Variants in TSBP1 observed in about 807,000 individuals in gnomAD.
TSBP1 encodes the protein testis-expressed basic protein 1.
Under a neutral mutation model 68.8 loss-of-function variants are expected in TSBP1, and 56 were observed. The observed-to-expected ratio is 0.81, with a 90% CI of 0.66 to 1.02. The LOEUF is 1.02. TSBP1 is among the 50% of genes least tolerant of loss of function. The pLI is 0.00. For missense variants in TSBP1, 502 were observed against 641.2 expected (o/e 0.78, Z 2.34); for synonymous variants, 171 against 208.7 (o/e 0.82, Z 1.56).
At chr6:32,346,744 A>G (rs1018112266) in intron 9 of TSBP1, among the ~76,000 whole-genome samples, 1 of 152,174 alleles carries the variant, frequency 6.6e-6, no homozygotes, top group African/African-American at 2.4e-5. Flanking sequence ...TGGCTGAGGC[A>G]CAAGAATCGC....
Position 32,292,929 on chromosome 6 carries a change from G to A in TSBP1, c.*52C>T, listed in dbSNP as rs1764294805. On this transcript the variant is annotated 3_prime_UTR_variant, in exon 23 of 23. Coordinates refer to ENST00000612031, the Ensembl canonical transcript of TSBP1. This position sits in a 1 kb window ranked among gnomAD's most constrained non-coding sequence, Gnocchi z 4.1. ...GGCTGGGATATGGTTTGTATCTGGA[G>A]TATGGGAATCATAATAATCACTTGT... The A allele has an allele frequency of 1.9e-6, 2 of 1,075,006 alleles. No individual in the cohort carries two copies. Among genetic ancestry groups the A allele is most frequent in the African/African-American group, 3.2e-5 (2 of 63,308 alleles). The allele number at this position is 1,075,006 out of a possible 1,614,324, so 66.6% of individuals were successfully genotyped here.
At chr6:32,353,485 T>C (rs114729388) in intron 8 of TSBP1, among the ~76,000 whole-genome samples, 5,942 of 152,038 alleles carry the variant, frequency 0.039, 334 homozygotes, top group African/African-American at 0.12. Flanking sequence ...ATGGGAATAA[T>C]TGATTTTACC....
At chr6:32,295,323 G>A (rs554429124) in intron 22 of TSBP1, among the ~76,000 whole-genome samples, 1 of 118,778 alleles carries the variant, frequency 8.4e-6, no homozygotes, top group Admixed American at 1.2e-4. Context: ...GTGACAGAGT[G>A]ATACTCCATC....
intron 10 of TSBP1, chr6:32,339,326 A>T: frequency 1.9e-6 from 1 of 536,336 alleles, no homozygotes; most frequent in East Asian, 3.1e-5. Context: ...TAAATGAAAA[A>T]ATTAATCAGT....
chr6:32,297,196 G>A (rs1399372246), intron 22 of TSBP1, among the ~76,000 whole-genome samples: 1 of 151,850 alleles, frequency 6.6e-6, no homozygotes, highest in Non-Finnish European at 1.5e-5. Context: ...TCCTTCTCTT[G>A]GACCTCATAA....
At chr6:32,311,087 G>A (rs141469817) in intron 19 of TSBP1, among the ~76,000 whole-genome samples, 1,530 of 151,806 alleles carry the variant, frequency 0.01, 55 homozygotes, top group Middle Eastern at 0.034. Flanking sequence ...TGAGTGCTGC[G>A]AGACCCCCCC....
chr6:32,294,873 C>CTTT (rs578120947), intron 22 of TSBP1, among the ~76,000 whole-genome samples: 15 of 151,736 alleles, frequency 9.9e-5, no homozygotes, highest in South Asian at 2.1e-4. Flanking sequence ...TTTTTATTTG[C>CTTT]TTTTGTTTTT....
intron 6 of TSBP1, among the ~76,000 whole-genome samples, chr6:32,359,184 T>C (rs1285372099): frequency 4.0e-5 from 6 of 151,384 alleles, no homozygotes; most frequent in Admixed American, 6.6e-5. Context: ...CTGGGTCAAA[T>C]AGTATTTCTA....
chr6:32,320,637 T>A (rs1767520736), intron 18 of TSBP1, among the ~76,000 whole-genome samples: 1 of 152,144 alleles, frequency 6.6e-6, no homozygotes, highest in Non-Finnish European at 1.5e-5. Flanking sequence ...TTACCCACCT[T>A]TTTTATGCTT....
At chr6:32,356,628 G>A (rs941805584) in intron 6 of TSBP1, among the ~76,000 whole-genome samples, 1 of 151,974 alleles carries the variant, frequency 6.6e-6, no homozygotes, top group African/African-American at 2.4e-5. Flanking sequence ...GCTGAGGCAG[G>A]AGAATTGCCT....
intron 4 of TSBP1, 132 bp downstream of exon 4, chr6:32,367,793 A>G: frequency 1.6e-6 from 1 of 609,058 alleles, no homozygotes; most frequent in Non-Finnish European, 2.8e-6. Context: ...GAGAGGAGTG[A>G]TAAGCATTTG....
intron 6 of TSBP1, among the ~76,000 whole-genome samples, chr6:32,360,885 T>C (rs1404887053): frequency 7.0e-6 from 1 of 142,892 alleles, no homozygotes; most frequent in Admixed American, 6.7e-5. Context: ...CTCTCTCTCT[T>C]TTTTTTTATT....
chr6:32,368,284 G>A (rs1773996018), intron 3 of TSBP1, among the ~76,000 whole-genome samples: 1 of 152,056 alleles, frequency 6.6e-6, no homozygotes, highest in Non-Finnish European at 1.5e-5. Context: ...AACAACTTTG[G>A]CATCTCTCCA....
At position 32,365,235 on chromosome 6, in the gene TSBP1, G is replaced by A. The variant is rs550690670; in HGVS notation, c.217+932C>T. ...TTGTGCTTTCTCTCAATCCTGCAAA[G>A]CCAGTCCAGGTTCTGAGAGCCTTCC... On this transcript the variant is annotated intron_variant, in intron 6 of 22. Coordinates refer to ENST00000612031, the Ensembl canonical transcript of TSBP1. The surrounding 1 kb of genome is among the most constrained non-coding windows in gnomAD (Gnocchi z 4.3). The A allele has an allele frequency of 2.4e-4, 107 of 442,126 alleles. No individual in the cohort carries two copies. Among genetic ancestry groups the A allele is most frequent in the African/African-American group, 1.9e-3 (93 of 49,622 alleles). The allele number at this position is 442,126 out of a possible 1,614,324, so 27.4% of individuals were successfully genotyped here.
At chr6:32,323,350 T>C in intron 17 of TSBP1, 1 of 685,252 alleles carries the variant, frequency 1.5e-6, no homozygotes, top group East Asian at 2.7e-5. Flanking sequence ...TGAGGTAATG[T>C]AATTAAAGCA....
At chr6:32,354,030 A>T (rs903413610) in intron 8 of TSBP1, among the ~76,000 whole-genome samples, 3 of 152,058 alleles carry the variant, frequency 2.0e-5, no homozygotes, top group Admixed American at 1.3e-4. Context: ...CAAAGAAACT[A>T]AAAAGCAGAA....
rs1043542371 is a variant in TSBP1 at position 32,325,524 on chromosome 6, A to G, written c.515-1910T>C. On this transcript the variant is annotated intron_variant, in intron 16 of 22. Coordinates refer to ENST00000612031, the Ensembl canonical transcript of TSBP1. The surrounding 1 kb of genome is among the most constrained non-coding windows in gnomAD (Gnocchi z 4.4). ...TTCTCAAATACCAGGTGCCCACTTA[A>G]CTGTGAAAAAGATATATGCTGGTGG... The G allele has an allele frequency of 1.2e-6, 1 of 867,050 alleles. No homozygotes were observed. The highest frequency in any genetic ancestry group is 1.9e-6 in the Non-Finnish European group (1 of 514,532). The allele number at this position is 867,050 out of a possible 1,614,324, so 53.7% of individuals were successfully genotyped here. A position where few individuals can be genotyped will look rare whatever the true frequency, so the allele number is the denominator to read the frequency against.
intron 16 of TSBP1, chr6:32,324,646 A>G: frequency 6.4e-7 from 1 of 1,550,842 alleles, no homozygotes; most frequent in South Asian, 1.2e-5. Flanking sequence ...CAATGAACAC[A>G]TAGACTTACT....
intron 18 of TSBP1, among the ~76,000 whole-genome samples, chr6:32,317,485 G>C (rs1767088455): frequency 6.6e-6 from 1 of 152,176 alleles, no homozygotes; most frequent in South Asian, 2.1e-4. Flanking sequence ...AAGAGCTTCT[G>C]CCCAGCAAAA....
Sources: gnomAD v4.1 joint callset for allele counts (sites outside exome capture counted in the v4.1 genomes callset) on GRCh38, gnomAD v4.1.1 for gene constraint, Gnocchi (gnomAD v3.1) non-coding constraint, MANE v1.5 for transcripts, NCBI Gene and HGNC (gene_info 2026-07-23, HGNC 2026-07-21) for gene names.